The following HAO2 variants were observed in gnomAD, a reference collection of about 807,000 sequenced individuals.
The protein encoded by HAO2 is 2-Hydroxyacid oxidase 2.
A neutral mutation model predicts 37.4 loss-of-function variants in HAO2; 42 were observed. That is an observed-to-expected ratio of 1.12 (90% CI 0.88 to 1.45). HAO2 has a LOEUF of 1.45. HAO2 is among the 40% of genes most tolerant of loss of function. The probability of loss-of-function intolerance (pLI) is 0.00; values close to 1 mark genes in which losing one functional copy is unlikely to be tolerated. For synonymous variants in HAO2, 180 were observed against 162.8 expected, an observed-to-expected ratio of 1.11 and a Z score of -0.81; for missense variants, 476 against 430.2, an observed-to-expected ratio of 1.11 and a Z score of -0.94.
At chr1:119,377,930 G>T (rs1301463298) in intron 1 of HAO2, among the ~76,000 whole-genome samples, 1 of 152,184 alleles carries the variant, frequency 6.6e-6, no homozygotes, top group Non-Finnish European at 1.5e-5. Flanking sequence ...AGCTGGGTGT[G>T]GTGGCACATG....
At position 119,394,018 on chromosome 1, in the gene HAO2, C is replaced by T. The variant is rs895114578; in HGVS notation, c.*178C>T. 7.0e-7 allele frequency: 1 copy of T among 1,424,392 alleles called. No individual in the cohort carries two copies. Among genetic ancestry groups the T allele is most frequent in the Non-Finnish European group, 9.2e-7 (1 of 1,083,836 alleles). 88.2% of individuals were successfully genotyped at this position (1,424,392 alleles called of 1,614,324 possible). ...TTCAGGCCCTCCAAACCCCTGTGTTCCCCAAATGTTCCATGCCCTTCTTTG... is the reference window on the plus strand; with the variant it reads ...TTCAGGCCCTCCAAACCCCTGTGTTTCCCAAATGTTCCATGCCCTTCTTTG... On this transcript the variant is annotated 3_prime_UTR_variant, in exon 8 of 8. Coordinates refer to ENST00000325945, the MANE Select transcript of HAO2 (RefSeq NM_016527.4).
At chr1:119,378,965 T>C (rs1040808098) in intron 1 of HAO2, among the ~76,000 whole-genome samples, 2 of 152,200 alleles carry the variant, frequency 1.3e-5, no homozygotes, top group Non-Finnish European at 2.9e-5. Flanking sequence ...GGTCCCAGGT[T>C]TGGTTCTTCA....
chr1:119,382,092 G>A (rs907861741), intron 2 of HAO2, among the ~76,000 whole-genome samples: 2 of 152,106 alleles, frequency 1.3e-5, no homozygotes, highest in East Asian at 3.9e-4. Flanking sequence ...CCTATATTCT[G>A]TATTTTCATA....
intron 5 of HAO2, among the ~76,000 whole-genome samples, chr1:119,389,613 T>C (rs940241655): frequency 2.0e-5 from 3 of 150,762 alleles, no homozygotes; most frequent in Non-Finnish European, 4.4e-5. Flanking sequence ...TTCGTGTCCT[T>C]AGCTCACTTT....
At chr1:119,381,693 T>C (rs1051398102) in intron 2 of HAO2, among the ~76,000 whole-genome samples, 1 of 152,168 alleles carries the variant, frequency 6.6e-6, no homozygotes, top group Non-Finnish European at 1.5e-5. Flanking sequence ...AAGTAGGAGA[T>C]GGAGCATCGG....
chr1:119,375,700 C>T (rs1649398482), intron 1 of HAO2, among the ~76,000 whole-genome samples: 1 of 152,128 alleles, frequency 6.6e-6, no homozygotes, highest in Non-Finnish European at 1.5e-5. Flanking sequence ...ACTCCCAGTT[C>T]CACATAGCTG....
chr1:119,371,010 T>C (rs957910853), intron 1 of HAO2, among the ~76,000 whole-genome samples: 1 of 152,208 alleles, frequency 6.6e-6, no homozygotes, highest in Admixed American at 6.5e-5. Flanking sequence ...TCTATCCTTG[T>C]TGAGCAGATG....
chr1:119,380,799 G>A, intron 1 of HAO2: 1 of 906,710 alleles, frequency 1.1e-6, no homozygotes, highest in Non-Finnish European at 1.8e-6. Flanking sequence ...CTAAGGTGGT[G>A]TGTGTACAGT....
intron 1 of HAO2, among the ~76,000 whole-genome samples, chr1:119,380,310 A>C (rs1197040748): frequency 6.6e-6 from 1 of 152,152 alleles, no homozygotes; most frequent in Non-Finnish European, 1.5e-5. Context: ...CTGCGTTTAT[A>C]GGGCTCAAAT....
At chr1:119,373,858 A>T (rs985992918) in intron 1 of HAO2, among the ~76,000 whole-genome samples, 1 of 152,176 alleles carries the variant, frequency 6.6e-6, no homozygotes, top group Non-Finnish European at 1.5e-5. Context: ...AAAAGGAGAG[A>T]TTATTATATA....
At chr1:119,388,410 A>G (rs2101258159) in intron 5 of HAO2, among the ~76,000 whole-genome samples, 1 of 152,340 alleles carries the variant, frequency 6.6e-6, no homozygotes, top group South Asian at 2.1e-4. Context: ...GTAGACAAAG[A>G]GGAAGACTAA....
intron 1 of HAO2, among the ~76,000 whole-genome samples, chr1:119,374,327 C>T (rs1052573703): frequency 5.9e-5 from 9 of 152,212 alleles, no homozygotes; most frequent in Non-Finnish European, 1.2e-4. Context: ...TTCTCAGGGT[C>T]TCCTCTAGCT....
intron 5 of HAO2, among the ~76,000 whole-genome samples, chr1:119,391,045 A>T (rs1415218377): frequency 6.6e-6 from 1 of 152,170 alleles, no homozygotes; most frequent in African/African-American, 2.4e-5. Context: ...TAGAATGTGA[A>T]TTCTCTCTAG....
At chr1:119,380,758 C>G in intron 1 of HAO2, 3 of 1,429,400 alleles carry the variant, frequency 2.1e-6, no homozygotes, top group Non-Finnish European at 3.0e-6. Context: ...TTGTAATAAG[C>G]TTTTAAGAAG....
intron 3 of HAO2, among the ~76,000 whole-genome samples, chr1:119,383,563 C>A (rs1160628791): frequency 6.6e-6 from 1 of 152,132 alleles, no homozygotes; most frequent in Non-Finnish European, 1.5e-5. Flanking sequence ...ACCTTGTCAT[C>A]TTGTTTGACA....
intron 1 of HAO2, among the ~76,000 whole-genome samples, chr1:119,371,779 G>A (rs587739742): frequency 3.3e-5 from 5 of 152,306 alleles, no homozygotes; most frequent in Non-Finnish European, 5.9e-5. Flanking sequence ...ACATCATGGA[G>A]TACTTGAAAA....
chr1:119,380,404 C>A (rs1248463267), intron 1 of HAO2: 1 of 386,360 alleles, frequency 2.6e-6, no homozygotes, highest in African/African-American at 2.1e-5. Flanking sequence ...AGATGGTGAC[C>A]CTTGAGCCTC....
In HAO2 at chr1:119,382,987, G is replaced by T. The variant is rs1557849366; in HGVS notation, c.204G>T (p.Glu68Asp). The change falls in exon 3 of 8, where the codon GAG (glutamate) becomes GAT (aspartate). Residue 68 changes from glutamate to aspartate, a missense_variant. Transcript: ENST00000325945. ...VDTRTTIQGE[E>D]ISAPICIAPT... ...CCAGAACCACAATCCAAGGGGAGGA[G>T]ATCAGTGCCCCTATTTGTATCGCAC... The T allele has an allele frequency of 6.2e-7, 1 of 1,613,006 alleles. No individual in the cohort carries two copies. Among genetic ancestry groups the T allele is most frequent in the Admixed American group, 1.7e-5 (1 of 60,022 alleles).
chr1:119,391,849 C>T (rs1252336671), intron 5 of HAO2, among the ~76,000 whole-genome samples: 1 of 152,154 alleles, frequency 6.6e-6, no homozygotes, highest in Admixed American at 6.5e-5. Context: ...GAAAGAATAA[C>T]CAAGCAGTTC....
Sources: allele counts gnomAD v4.1 joint callset (sites outside exome capture counted in the v4.1 genomes callset), GRCh38; gene constraint gnomAD v4.1.1; transcripts MANE v1.5; gene names NCBI Gene and HGNC (gene_info 2026-07-23, HGNC 2026-07-21).